Variants in GFM1 observed in about 807,000 individuals in gnomAD.
GFM1 encodes G elongation factor mitochondrial 1.
Under a neutral mutation model 96.2 loss-of-function variants are expected in GFM1, and 62 were observed. The ratio of observed to expected loss-of-function variants is 0.64; its 90% confidence interval spans 0.53 to 0.80. The LOEUF is 0.80. Among genes scored for constraint, GFM1 ranks in the 30% least tolerant of loss-of-function variants. The pLI is 0.00. For missense variants in GFM1, 852 were observed against 916.6 expected (o/e 0.93, Z 0.91); for synonymous variants, 282 against 312.9 (o/e 0.90, Z 1.04).
At chr3:158,657,868 G>A (rs1722890409) in intron 8 of GFM1, among the ~76,000 whole-genome samples, 1 of 152,060 alleles carries the variant, frequency 6.6e-6, no homozygotes. Flanking sequence ...TCTGTGGGGT[G>A]TTTAGTCTAA....
chr3:158,661,707 A>G (rs528323496), intron 10 of GFM1, among the ~76,000 whole-genome samples: 1 of 152,038 alleles, frequency 6.6e-6, no homozygotes, highest in East Asian at 1.9e-4. Flanking sequence ...TGAATTCAGT[A>G]AAGAAAGAGT....
rs371485081 is a variant in GFM1 at position 158,660,832 on chromosome 3, G to A, written c.1222-42G>A. The A allele has an allele frequency of 8.6e-6, 13 of 1,520,386 alleles. No homozygotes were observed. The African/African-American group carries it at 1.5e-4, about 18-fold the overall frequency. 94.2% of individuals were successfully genotyped at this position (1,520,386 alleles called of 1,614,324 possible). On this transcript the variant is annotated intron_variant, in intron 9 of 17. Transcript: ENST00000486715. ...CTTTTTAGTTACCACATCTTTATTT[G>A]TATTACTTGCAAATATAATTTTGTG...
In GFM1 at chr3:158,658,910, C is replaced by G; in HGVS notation, c.1084-12C>G. 2 of 1,613,996 alleles carry G rather than the reference C, an allele frequency of 1.2e-6. No homozygotes were observed. The highest frequency in any genetic ancestry group is 1.7e-6 in the Non-Finnish European group (2 of 1,179,882). On this transcript the variant is annotated splice_polypyrimidine_tract_variant and intron_variant, in intron 8 of 17. Transcript: ENST00000486715. ...TTTATTCTTCCTGCCCTTACCCAAT[C>G]TTGACTTCTAGGTAGGTCGATTTGG... is the stretch of plus-strand genomic sequence containing the variant.
At chr3:158,670,326 G>A (rs1217419148) in intron 13 of GFM1, among the ~76,000 whole-genome samples, 1 of 152,140 alleles carries the variant, frequency 6.6e-6, no homozygotes, top group African/African-American at 2.4e-5. Context: ...CTAAGAGCAC[G>A]TTCTTTCTCT....
At chr3:158,670,899 C>A in intron 13 of GFM1, 3 of 1,419,222 alleles carry the variant, frequency 2.1e-6, no homozygotes, top group Non-Finnish European at 2.8e-6. Flanking sequence ...TGCCACTGCA[C>A]TTCAGCCTGG....
Position 158,647,338 on chromosome 3 carries a change from G to A in GFM1, c.572+391G>A, listed in dbSNP as rs187412665. Among the ~76,000 whole-genome samples, 845 of 152,296 alleles carry A rather than the reference G, an allele frequency of 5.5e-3. 7 individuals carry two copies. The highest frequency in any genetic ancestry group is 0.019 in the African/African-American group (804 of 41,556). On this transcript the variant is annotated intron_variant, in intron 4 of 17. Coordinates refer to ENST00000486715, the MANE Select transcript of GFM1 (RefSeq NM_024996.7). ...GAAGCATTTTAATTAATGCCCTTAA[G>A]TAGTTTGCCATAGAGATGAGATTTT... is the stretch of plus-strand genomic sequence containing the variant.
rs898615731 is a variant in GFM1, at chr3:158,679,634, AT to A, written c.1602-2352del. ...AAGTTGGAGGAATTTTTTTCTCTAA[AT>A]TTTTTTTTCCTTTTGATGAGTCATT... On this transcript the variant is annotated intron_variant, in intron 13 of 17. Coordinates refer to ENST00000486715, the MANE Select transcript of GFM1 (RefSeq NM_024996.7). Among the ~76,000 whole-genome samples, 194 of 151,464 alleles carry A rather than the reference AT, an allele frequency of 1.3e-3. 1 individual carries two copies. The highest frequency in any genetic ancestry group is 4.5e-3 in the African/African-American group (184 of 41,250).
At chr3:158,649,249 C>A (rs1722099271) in intron 5 of GFM1, 92 bp downstream of exon 5, 1 of 687,884 alleles carries the variant, frequency 1.5e-6, no homozygotes. Context: ...GAGTAACTAT[C>A]TTTTTGAAAT....
chr3:158,672,074 A>G (rs1724372667), intron 13 of GFM1, among the ~76,000 whole-genome samples: 1 of 152,158 alleles, frequency 6.6e-6, no homozygotes, highest in African/African-American at 2.4e-5. Flanking sequence ...GCTGCCCCTT[A>G]CCTAGAGCGT....
At chr3:158,650,147 A>G in intron 5 of GFM1, 3 of 1,106,120 alleles carry the variant, frequency 2.7e-6, no homozygotes, top group Non-Finnish European at 4.0e-6. Flanking sequence ...GAGTCTGTCC[A>G]GTGGATAAGG....
At chr3:158,676,092 G>A (rs1317959462) in intron 13 of GFM1, among the ~76,000 whole-genome samples, 1 of 152,120 alleles carries the variant, frequency 6.6e-6, no homozygotes, top group Non-Finnish European at 1.5e-5. Context: ...GAGCAACATG[G>A]CGAAGCCCTG....
At chr3:158,688,681 C>T (rs2062179338) in intron 15 of GFM1, among the ~76,000 whole-genome samples, 1 of 152,152 alleles carries the variant, frequency 6.6e-6, no homozygotes, top group Non-Finnish European at 1.5e-5. Context: ...TTTTTCTATA[C>T]TCTAAAATTG....
At chr3:158,645,108 A>G (rs1465373255) in intron 1 of GFM1, among the ~76,000 whole-genome samples, 1 of 151,700 alleles carries the variant, frequency 6.6e-6, no homozygotes, top group Non-Finnish European at 1.5e-5. Context: ...CCCTGCCACC[A>G]GAGTAAAGTT....
At chr3:158,654,340 A>C (rs1390022696) in intron 7 of GFM1, among the ~76,000 whole-genome samples, 3 of 150,320 alleles carry the variant, frequency 2.0e-5, no homozygotes, top group Non-Finnish European at 4.4e-5. Context: ...CTGTTTCCCA[A>C]AGTGTGGGCA....
At position 158,672,959 on chromosome 3, in the gene GFM1, G is replaced by T. The variant is rs1400177575; in HGVS notation, c.1601+6573G>T. On this transcript the variant is annotated intron_variant, in intron 13 of 17. Transcript: ENST00000486715. ...GTCTGGTTGCTTCGCTTGCATACTG[G>T]AGCACAACTTCCTTATACACCGCAT... 2.0e-5 allele frequency among the ~76,000 whole-genome samples: 3 copies of T among 152,270 alleles called. No individual in the cohort carries two copies. The East Asian group carries it at 5.8e-4, about 29-fold the overall frequency.
intron 13 of GFM1, among the ~76,000 whole-genome samples, chr3:158,667,926 T>G (rs146277702): frequency 2.6e-4 from 39 of 152,362 alleles, no homozygotes; most frequent in African/African-American, 9.4e-4. Context: ...CAGTATGGCA[T>G]GACTATAGTA....
At position 158,649,117 on chromosome 3, in the gene GFM1, C is replaced by G; in HGVS notation, c.649C>G (p.Leu217Val). Residue 217 changes from leucine to valine, a missense_variant, in exon 5 of 18, where the codon CTT becomes GTT. Transcript: ENST00000486715. Reference protein sequence around the residue: ...LEGNFKGIVDLIEERAIYFDG... With the variant: ...LEGNFKGIVDVIEERAIYFDG... ...GGGTAATTTTAAAGGTATTGTAGAT[C>G]TTATTGAGGAACGAGCCATCTATTT... The G allele has an allele frequency of 6.5e-7, 1 of 1,527,582 alleles. No homozygotes were observed. Among genetic ancestry groups the G allele is most frequent in the Middle Eastern group, 1.7e-4 (1 of 5,850 alleles). The allele number at this position is 1,527,582 out of a possible 1,614,324, so 94.6% of individuals were successfully genotyped here.
chr3:158,655,041 A>G (rs1459502044), intron 8 of GFM1, among the ~76,000 whole-genome samples: 1 of 152,226 alleles, frequency 6.6e-6, no homozygotes. Context: ...CCAGGTTTCT[A>G]CTGTTATAAA....
intron 2 of GFM1, 80 bp from the exon 3 acceptor site, chr3:158,646,085 T>C: frequency 6.4e-7 from 1 of 1,559,850 alleles, no homozygotes. Flanking sequence ...ACCTGGCAAC[T>C]GTTTCCATTT....
Sources: gnomAD v4.1 joint callset for allele counts (sites outside exome capture counted in the v4.1 genomes callset) on GRCh38, gnomAD v4.1.1 for gene constraint, MANE v1.5 for transcripts, NCBI Gene and HGNC (gene_info 2026-07-23, HGNC 2026-07-21) for gene names.